The following PARM1 variants were observed in gnomAD, a reference collection of about 807,000 sequenced individuals.
PARM1 encodes prostate androgen-regulated mucin-like protein 1, also known as WSC4, cell wall integrity and stress response component 4 homolog.
In PARM1, 14 loss-of-function variants were observed where a neutral mutation model predicts 24.6. The observed-to-expected ratio is 0.57, with a 90% confidence interval of 0.38 to 0.89. PARM1 has a LOEUF of 0.89. PARM1 is among the 40% of genes least tolerant of loss of function. The pLI is 0.00. For missense variants in PARM1, 362 were observed against 380.4 expected, an observed-to-expected ratio of 0.95 and a Z score of 0.40; for synonymous variants, 179 against 156.6, an observed-to-expected ratio of 1.14 and a Z score of -1.07.
At chr4:74,950,685 A>G (rs969435399) in intron 1 of PARM1, among the ~76,000 whole-genome samples, 1 of 152,212 alleles carries the variant, frequency 6.6e-6, no homozygotes, top group Non-Finnish European at 1.5e-5. Flanking sequence ...TAAGTTATGA[A>G]CTTAATTGAT....
intron 2 of PARM1, among the ~76,000 whole-genome samples, chr4:75,026,564 G>A (rs567851357): frequency 2.0e-5 from 3 of 152,272 alleles, no homozygotes; most frequent in Admixed American, 2.0e-4. Flanking sequence ...TTGCATAAAA[G>A]GTGCATCCTT....
intron 3 of PARM1, among the ~76,000 whole-genome samples, chr4:75,037,345 A>C (rs1234797616): frequency 6.6e-6 from 1 of 152,238 alleles, no homozygotes; most frequent in Admixed American, 6.5e-5. Flanking sequence ...GGCCCAGCCA[A>C]GTTCTCTGCA....
At chr4:75,040,049 A>T (rs951699480) in intron 3 of PARM1, among the ~76,000 whole-genome samples, 3 of 152,212 alleles carry the variant, frequency 2.0e-5, no homozygotes, top group Admixed American at 6.5e-5. Context: ...CACTAGAACA[A>T]TATCAAGTCC....
intron 1 of PARM1, among the ~76,000 whole-genome samples, chr4:75,000,723 A>T (rs928686937): frequency 6.6e-6 from 1 of 152,240 alleles, no homozygotes; most frequent in Non-Finnish European, 1.5e-5. Context: ...TTTAGCTTGG[A>T]AATGGATTGG....
At chr4:74,934,923 G>A (rs1721144865) in intron 1 of PARM1, among the ~76,000 whole-genome samples, 3 of 151,014 alleles carry the variant, frequency 2.0e-5, no homozygotes, top group African/African-American at 2.4e-5. Context: ...TCTGGCAGTT[G>A]TCAAAACCGG....
chr4:74,987,844 C>A (rs982325086), intron 1 of PARM1, among the ~76,000 whole-genome samples: 4 of 152,194 alleles, frequency 2.6e-5, no homozygotes, highest in Non-Finnish European at 4.4e-5. Flanking sequence ...GATCTTTGTT[C>A]TCATTTCAGT....
chr4:74,948,336 C>T (rs1031845063), intron 1 of PARM1, among the ~76,000 whole-genome samples: 2 of 152,182 alleles, frequency 1.3e-5, no homozygotes, highest in Non-Finnish European at 2.9e-5. Context: ...CTCATGTAAA[C>T]GTTAGTCCCC....
chr4:74,937,786 A>G (rs973043286), intron 1 of PARM1, among the ~76,000 whole-genome samples: 26 of 152,244 alleles, frequency 1.7e-4, no homozygotes, highest in African/African-American at 6.3e-4. Flanking sequence ...GATCTCAACT[A>G]ATATTCCAGT....
intron 1 of PARM1, among the ~76,000 whole-genome samples, chr4:74,995,524 C>A (rs1722558994): frequency 6.6e-6 from 1 of 152,046 alleles, no homozygotes; most frequent in Non-Finnish European, 1.5e-5. Context: ...AACTGAGACA[C>A]AAGAGAGAGC....
intron 3 of PARM1, among the ~76,000 whole-genome samples, chr4:75,037,070 G>T (rs1723385618): frequency 6.6e-6 from 1 of 152,104 alleles, no homozygotes; most frequent in Admixed American, 6.5e-5. Context: ...CTGTTATTTT[G>T]CCAGGTTGTC....
intron 1 of PARM1, among the ~76,000 whole-genome samples, chr4:74,968,552 G>A (rs1056049396): frequency 6.6e-6 from 1 of 152,144 alleles, no homozygotes; most frequent in Non-Finnish European, 1.5e-5. Context: ...AAAGAGGAAG[G>A]GAAAATAATT....
intron 1 of PARM1, among the ~76,000 whole-genome samples, chr4:75,002,530 G>A (rs897927988): frequency 6.6e-6 from 1 of 152,048 alleles, no homozygotes; most frequent in African/African-American, 2.4e-5. Flanking sequence ...GGTCTCCCAG[G>A]CCAGTGTGTG....
At chr4:75,030,157 A>G (rs1307883359) in intron 2 of PARM1, among the ~76,000 whole-genome samples, 2 of 152,208 alleles carry the variant, frequency 1.3e-5, no homozygotes, top group Non-Finnish European at 2.9e-5. Context: ...ACGGCTCAGA[A>G]GAGTTGCTAT....
At chr4:74,971,642 T>C (rs919485079) in intron 1 of PARM1, among the ~76,000 whole-genome samples, 2 of 152,208 alleles carry the variant, frequency 1.3e-5, no homozygotes, top group African/African-American at 4.8e-5. Flanking sequence ...GCTGACTTTG[T>C]TTATCTGAAA....
intron 1 of PARM1, among the ~76,000 whole-genome samples, chr4:74,954,417 T>A (rs1445828058): frequency 6.6e-6 from 1 of 152,238 alleles, no homozygotes; most frequent in Non-Finnish European, 1.5e-5. Flanking sequence ...CAGCTAGGAT[T>A]TGAAAGTGTG....
intron 1 of PARM1, among the ~76,000 whole-genome samples, chr4:74,969,203 C>G (rs892191507): frequency 1.3e-5 from 2 of 152,126 alleles, no homozygotes; most frequent in African/African-American, 4.8e-5. Flanking sequence ...TACAGAAGTA[C>G]CCAGAGAGAG....
At chr4:75,037,484 A>G (rs1723395523) in intron 3 of PARM1, among the ~76,000 whole-genome samples, 1 of 152,222 alleles carries the variant, frequency 6.6e-6, no homozygotes, top group African/African-American at 2.4e-5. Flanking sequence ...CTCTAAAGGC[A>G]TTGTAAACTT....
chr4:75,024,567 T>C (rs990349183), intron 2 of PARM1, among the ~76,000 whole-genome samples: 3 of 152,218 alleles, frequency 2.0e-5, no homozygotes, highest in African/African-American at 4.8e-5. Flanking sequence ...AAAATACCAG[T>C]GTGGAAGCTC....
At chr4:75,030,798 T>C (rs1399568275) in intron 2 of PARM1, among the ~76,000 whole-genome samples, 1 of 152,100 alleles carries the variant, frequency 6.6e-6, no homozygotes, top group Non-Finnish European at 1.5e-5. Flanking sequence ...GGACTGCCCG[T>C]CAGTGTCCCA....
Sources: allele counts gnomAD v4.1 joint callset (sites outside exome capture counted in the v4.1 genomes callset), GRCh38; gene constraint gnomAD v4.1.1; transcripts MANE v1.5; gene names NCBI Gene and HGNC (gene_info 2026-07-23, HGNC 2026-07-21).